The following STK39 variants were observed in gnomAD, a reference collection of about 807,000 sequenced individuals.
The protein encoded by STK39 is serine/threonine kinase 39.
In STK39, 20 loss-of-function variants were observed where a neutral mutation model predicts 77.8. The observed-to-expected ratio is 0.26, with a 90% CI of 0.18 to 0.37. The LOEUF (loss-of-function observed/expected upper bound fraction) is 0.37. STK39 is among the 10% of genes least tolerant of loss of function. The pLI, the probability that STK39 is intolerant of heterozygous loss-of-function variation, is 1.00. For missense variants in STK39, 479 were observed against 656.5 expected, an observed-to-expected ratio of 0.73 and a Z score of 2.95; for synonymous variants, 246 against 234.1, an observed-to-expected ratio of 1.05 and a Z score of -0.47.
At chr2:168,227,252 T>A (rs1160141477) in intron 1 of STK39, among the ~76,000 whole-genome samples, 1 of 152,220 alleles carries the variant, frequency 6.6e-6, no homozygotes, top group Non-Finnish European at 1.5e-5. Context: ...ACAGGCCATC[T>A]CTGGGCAATG....
intron 1 of STK39, among the ~76,000 whole-genome samples, chr2:168,215,525 T>A (rs906367263): frequency 6.6e-6 from 1 of 152,206 alleles, no homozygotes; most frequent in African/African-American, 2.4e-5. Context: ...TGCTAAAAAC[T>A]CTACTTTTGC....
At chr2:168,019,023 A>T in intron 14 of STK39, among the ~76,000 whole-genome samples, 1 of 152,148 alleles carries the variant, frequency 6.6e-6, no homozygotes, top group East Asian at 1.9e-4. Context: ...ACACCGAGAT[A>T]TGAGAGCCTT....
chr2:167,967,122 T>C (rs1692179028), intron 16 of STK39, among the ~76,000 whole-genome samples: 1 of 152,222 alleles, frequency 6.6e-6, no homozygotes, highest in Non-Finnish European at 1.5e-5. Flanking sequence ...GACCTTTGTG[T>C]TGTAAGACAC....
chr2:168,117,477 G>A (rs1687287209), intron 10 of STK39, among the ~76,000 whole-genome samples: 1 of 152,160 alleles, frequency 6.6e-6, no homozygotes, highest in Non-Finnish European at 1.5e-5. Flanking sequence ...TTGATAGTAG[G>A]CTACAGAAGG....
intron 16 of STK39, among the ~76,000 whole-genome samples, chr2:167,965,882 C>T (rs920516026): frequency 2.0e-5 from 3 of 152,034 alleles, no homozygotes; most frequent in African/African-American, 4.8e-5. Flanking sequence ...TCTCTAAGGT[C>T]GACTGACAAC....
At chr2:168,118,078 G>A (rs2105482624) in intron 10 of STK39, among the ~76,000 whole-genome samples, 1 of 152,130 alleles carries the variant, frequency 6.6e-6, no homozygotes, top group East Asian at 1.9e-4. Context: ...CTGAATAAAG[G>A]CCACCTACCG....
chr2:168,062,127 C>T (rs932346624), intron 14 of STK39, among the ~76,000 whole-genome samples: 1 of 152,108 alleles, frequency 6.6e-6, no homozygotes. Flanking sequence ...ATAAAGTGGG[C>T]GATTAGACTG....
intron 16 of STK39, among the ~76,000 whole-genome samples, chr2:167,994,261 C>T (rs948308928): frequency 2.0e-5 from 3 of 152,136 alleles, no homozygotes; most frequent in African/African-American, 7.2e-5. Flanking sequence ...TTACCATCTT[C>T]CTGGCTTCAA....
chr2:168,004,746 A>T (rs955700860), intron 16 of STK39, among the ~76,000 whole-genome samples: 1 of 151,528 alleles, frequency 6.6e-6, no homozygotes, highest in Non-Finnish European at 1.5e-5. Flanking sequence ...AAAAAAAAAA[A>T]AAAATTAAAA....
In STK39 at chr2:168,022,319, C is replaced by T. The variant is rs184634717; in HGVS notation, c.1377-5224G>A. Among the ~76,000 whole-genome samples the T allele has an allele frequency of 3.0e-3, 455 of 152,322 alleles. 3 individuals are homozygous for T. The highest frequency in any genetic ancestry group is 2.7e-3 in the South Asian group (13 of 4,828). ...ATATATGCATTTGTAATTTGACACA[C>T]ATTATGAAATTCCCCTTCATTTAAG... On this transcript the variant is annotated intron_variant, in intron 14 of 17. Coordinates refer to ENST00000355999, the MANE Select transcript of STK39 (RefSeq NM_013233.3).
chr2:168,121,840 C>T (rs1224761760), intron 10 of STK39, among the ~76,000 whole-genome samples: 1 of 152,220 alleles, frequency 6.6e-6, no homozygotes, highest in Non-Finnish European at 1.5e-5. Flanking sequence ...CTCTCATCCT[C>T]ACAGCAACAC....
intron 10 of STK39, among the ~76,000 whole-genome samples, chr2:168,106,319 T>C (rs1686971929): frequency 6.6e-6 from 1 of 152,368 alleles, no homozygotes; most frequent in Middle Eastern, 3.4e-3. Context: ...ATAGGGATTC[T>C]GTGATGATTC....
intron 1 of STK39, among the ~76,000 whole-genome samples, chr2:168,216,539 G>A (rs1690029239): frequency 6.6e-6 from 1 of 152,200 alleles, no homozygotes. Context: ...CATTCCTGCA[G>A]GAAATTCCTA....
chr2:168,104,436 A>G (rs1686916632), intron 10 of STK39, among the ~76,000 whole-genome samples: 1 of 152,232 alleles, frequency 6.6e-6, no homozygotes, highest in Non-Finnish European at 1.5e-5. Context: ...CAAAGTGAGT[A>G]CAGTGTGAAT....
chr2:168,100,464 A>G (rs1686792807), intron 10 of STK39, among the ~76,000 whole-genome samples: 1 of 152,090 alleles, frequency 6.6e-6, no homozygotes, highest in Non-Finnish European at 1.5e-5. Flanking sequence ...GGCCTGGGCT[A>G]TGTTACCCAG....
At chr2:168,236,213 G>T (rs1213402439) in intron 1 of STK39, among the ~76,000 whole-genome samples, 8 of 152,150 alleles carry the variant, frequency 5.3e-5, no homozygotes, top group African/African-American at 1.7e-4. Flanking sequence ...CAGCGATGAT[G>T]AGCATTTTTT....
chr2:168,170,142 TG>T (rs1331779995), intron 2 of STK39, among the ~76,000 whole-genome samples: 2 of 152,194 alleles, frequency 1.3e-5, no homozygotes, highest in Non-Finnish European at 2.9e-5. Context: ...GTTAAAAACC[TG>T]AAAACTAGAA....
chr2:168,108,898 C>T (rs1687050156), intron 10 of STK39, among the ~76,000 whole-genome samples: 1 of 152,190 alleles, frequency 6.6e-6, no homozygotes, highest in African/African-American at 2.4e-5. Context: ...GCTAAATTTG[C>T]TGCACTGTAA....
intron 1 of STK39, among the ~76,000 whole-genome samples, chr2:168,239,365 G>A (rs1690700900): frequency 6.6e-6 from 1 of 152,182 alleles, no homozygotes; most frequent in Non-Finnish European, 1.5e-5. Context: ...CTGTGGCAGG[G>A]AGCTCTGGGT....
Sources: allele counts gnomAD v4.1 joint callset (sites outside exome capture counted in the v4.1 genomes callset), GRCh38; gene constraint gnomAD v4.1.1; transcripts MANE v1.5; gene names NCBI Gene and HGNC (gene_info 2026-07-23, HGNC 2026-07-21).